The following ZNF484 variants were observed in gnomAD, a reference collection of about 807,000 sequenced individuals.
The protein encoded by ZNF484 is KRAB box containing C2H2 type zinc finger bA526D8.4.
ZNF484 carries 11 observed loss-of-function variants against 12.9 expected under a neutral mutation model. The observed-to-expected ratio is 0.85, with a 90% CI of 0.54 to 1.41. The LOEUF (loss-of-function observed/expected upper bound fraction) is 1.41, where lower values mean the gene tolerates loss of function less well. Ranked by LOEUF, ZNF484 falls within the 40% of genes most tolerant of loss-of-function variation. ZNF484 has a pLI of 0.00. For missense variants in ZNF484, 807 were observed against 1,007.7 expected (o/e 0.80, Z 2.70); for synonymous variants, 289 against 334.1 (o/e 0.86, Z 1.47).
At chr9:92,856,966 C>T (rs534680975) in intron 2 of ZNF484, among the ~76,000 whole-genome samples, 27 of 152,266 alleles carry the variant, frequency 1.8e-4, no homozygotes, top group African/African-American at 6.0e-4. Flanking sequence ...CCTCGTGATC[C>T]GCCCGCCTCA....
chr9:92,863,668 A>G (rs1029171909), intron 2 of ZNF484, among the ~76,000 whole-genome samples: 1 of 152,216 alleles, frequency 6.6e-6, no homozygotes, highest in African/African-American at 2.4e-5. Flanking sequence ...ATACTCTGAG[A>G]TTATAGTGTC....
intron 2 of ZNF484, among the ~76,000 whole-genome samples, chr9:92,874,708 A>G (rs1343357604): frequency 6.6e-6 from 1 of 152,170 alleles, no homozygotes; most frequent in African/African-American, 2.4e-5. Flanking sequence ...AAGAACCATG[A>G]CATCTTTACT....
chr9:92,869,767 TAACTA>T (rs766175940), intron 2 of ZNF484, among the ~76,000 whole-genome samples: 1 of 152,126 alleles, frequency 6.6e-6, no homozygotes, highest in East Asian at 1.9e-4. Flanking sequence ...CAGCAAAAGA[TAACTA>T]AACTGAGTTC....
rs1301392017 is a variant in ZNF484, at chr9:92,855,882, T to A, written c.164A>T (p.Glu55Val). Residue 55 changes from glutamate (E) to valine (V), a missense_variant, in exon 4 of 5, where the codon GAA becomes GTA. Coordinates refer to ENST00000375495, the MANE Select transcript of ZNF484 (RefSeq NM_031486.4). The part of the protein sequence containing the change: ...ISVGCQVPKP[E>V]VIFSLEQEEP... ...TTCTTGTTCCAAGCTGAAGATGACT[T>A]CTGGTTTGGGAACTTGACATCCTGT... is the stretch of plus-strand genomic sequence containing the variant. 1 of 1,614,168 alleles carries A rather than the reference T, an allele frequency of 6.2e-7. No homozygotes were observed. Among genetic ancestry groups the A allele is most frequent in the South Asian group, 1.1e-5 (1 of 91,084 alleles).
intron 2 of ZNF484, among the ~76,000 whole-genome samples, chr9:92,872,891 A>C (rs1857542234): frequency 6.6e-6 from 1 of 152,134 alleles, no homozygotes; most frequent in African/African-American, 2.4e-5. Context: ...AGAAGGAAGT[A>C]GCACATTTTT....
intron 2 of ZNF484, among the ~76,000 whole-genome samples, chr9:92,870,255 A>G (rs1857350505): frequency 2.0e-5 from 3 of 152,234 alleles, no homozygotes; most frequent in South Asian, 2.1e-4. Flanking sequence ...CGAAAAACCT[A>G]CAATCCAGAA....
Position 92,848,145 on chromosome 9 carries a change from C to T in ZNF484, c.642G>A (p.Leu214=). 8.7e-6 allele frequency: 14 copies of T among 1,614,112 alleles called. No individual in the cohort carries two copies. The highest frequency in any genetic ancestry group is 1.2e-5 in the Non-Finnish European group (14 of 1,180,040). The change falls in exon 5 of 5, where the codon TTG becomes TTA. Residue 214 remains leucine, a synonymous_variant. Coordinates refer to ENST00000375495, the MANE Select transcript of ZNF484 (RefSeq NM_031486.4). This position sits in a 1 kb window ranked among gnomAD's most constrained non-coding sequence, Gnocchi z 4.1. ...AAGCAGTCACTTCTGTATGAGAATT[C>T]AAATGAGTGAAAATATCACCATCTC... ...TIGDGDIFTH[L]NSHTEVTACE... is the part of the protein sequence containing the mutation.
At chr9:92,859,093 A>G (rs10739930) in intron 2 of ZNF484, among the ~76,000 whole-genome samples, 1 of 151,906 alleles carries the variant, frequency 6.6e-6, no homozygotes. Context: ...ACCACTGCAC[A>G]CCAGCCTGGG....
rs765650361 is a variant in ZNF484 at position 92,846,233 on chromosome 9, T to C, written c.2554A>G (p.Ile852Val). ...CCAGATGTTCATAATTCTAACTAGA[T>C]AGAAGAAAGTTGGCCTTGGTCACCT... ...SEGDQGQLSS[I>V] Residue 852 changes from isoleucine (I) to valine (V), a missense_variant, in exon 5 of 5, where the codon ATC becomes GTC. Ile to Val is a conservative substitution (Grantham distance 29). Transcript: ENST00000375495. The C allele has an allele frequency of 2.5e-6, 4 of 1,612,194 alleles. No homozygotes were observed. The highest frequency in any genetic ancestry group is 2.5e-6 in the Non-Finnish European group (3 of 1,179,204).
At position 92,875,015 on chromosome 9, in the gene ZNF484, C is replaced by T; in HGVS notation, c.15G>A (p.Leu5=). The change falls in exon 2 of 5, where the codon CTG becomes CTA. Residue 5 remains leucine (L), a splice_region_variant and synonymous_variant. Transcript: ENST00000375495. MTKS[L]ESVSFKDVTV... ...AACAGATGAACAAATAAGAACTCAC[C>T]AGGGACTTGGTCATTTTTGGCTCTT... The T allele has an allele frequency of 6.2e-7, 1 of 1,613,800 alleles. No homozygotes were observed. The highest frequency in any genetic ancestry group is 1.1e-5 in the South Asian group (1 of 91,024).
At position 92,846,235 on chromosome 9, in the gene ZNF484, G is replaced by T. The variant is rs1281985535; in HGVS notation, c.2552C>A (p.Ser851Tyr). 1 of 1,612,382 alleles carries T rather than the reference G, an allele frequency of 6.2e-7. No individual in the cohort carries two copies. The highest frequency in any genetic ancestry group is 1.3e-5 in the African/African-American group (1 of 74,808). ...DSEGDQGQLS[S>Y]I is the part of the protein sequence containing the mutation. ...AGATGTTCATAATTCTAACTAGATA[G>T]AAGAAAGTTGGCCTTGGTCACCTTC... Residue 851 changes from serine to tyrosine, a missense_variant, in exon 5 of 5, where the codon TCT becomes TAT. By Grantham distance (144) the Ser-to-Tyr change is moderately radical. Transcript: ENST00000375495.
intron 2 of ZNF484, among the ~76,000 whole-genome samples, chr9:92,858,647 A>G (rs1472118600): frequency 6.6e-6 from 1 of 152,210 alleles, no homozygotes; most frequent in African/African-American, 2.4e-5. Context: ...AAATAGAATT[A>G]AAGTGTTTTA....
chr9:92,866,594 G>A (rs2118137091), intron 2 of ZNF484, among the ~76,000 whole-genome samples: 1 of 152,316 alleles, frequency 6.6e-6, no homozygotes, highest in East Asian at 1.9e-4. Context: ...AATTCCTCAA[G>A]GATCTAGAAC....
chr9:92,855,383 G>T (rs779750166), intron 4 of ZNF484, among the ~76,000 whole-genome samples: 1 of 152,120 alleles, frequency 6.6e-6, no homozygotes, highest in African/African-American at 2.4e-5. Flanking sequence ...AGAAGAAACA[G>T]CAGGAGCTGA....
intron 2 of ZNF484, among the ~76,000 whole-genome samples, chr9:92,865,733 G>A (rs1587757706): frequency 6.6e-6 from 1 of 151,920 alleles, no homozygotes; most frequent in South Asian, 2.1e-4. Context: ...ATAGCAAGAC[G>A]CCGTCTCTAC....
At position 92,846,988 on chromosome 9, in the gene ZNF484, C is replaced by A; in HGVS notation, c.1799G>T (p.Arg600Ile). Residue 600 changes from arginine (R) to isoleucine (I), a missense_variant, in exon 5 of 5, where the codon AGA (arginine) becomes ATA (isoleucine). Coordinates refer to ENST00000375495, the MANE Select transcript of ZNF484 (RefSeq NM_031486.4). ...ATAGGGTTTCTCTCCAGTATGAATT[C>A]TCTCATGTGTAATAAAATGGGATTT... ...FHKSHFITHE[R>I]IHTGEKPYEC... 6.2e-7 allele frequency: 1 copy of A among 1,613,950 alleles called. No individual in the cohort carries two copies. The highest frequency in any genetic ancestry group is 8.5e-7 in the Non-Finnish European group (1 of 1,179,978).
chr9:92,853,899 A>G (rs1856264354), intron 4 of ZNF484, among the ~76,000 whole-genome samples: 1 of 151,916 alleles, frequency 6.6e-6, no homozygotes, highest in Admixed American at 6.6e-5. Context: ...GGGTGTAAAA[A>G]GATTTGTTAC....
At chr9:92,860,125 AT>A (rs1330746510) in intron 2 of ZNF484, among the ~76,000 whole-genome samples, 3 of 152,264 alleles carry the variant, frequency 2.0e-5, no homozygotes, top group Admixed American at 6.5e-5. Context: ...TATAAACCAC[AT>A]GTTGGCATAG....
At chr9:92,851,727 T>A (rs1019932474) in intron 4 of ZNF484, among the ~76,000 whole-genome samples, 3 of 152,236 alleles carry the variant, frequency 2.0e-5, no homozygotes, top group African/African-American at 7.2e-5. Context: ...TACAGTCTTT[T>A]CATTTTCTCC....
Sources: gnomAD v4.1 joint callset for allele counts (sites outside exome capture counted in the v4.1 genomes callset) on GRCh38, gnomAD v4.1.1 for gene constraint, Gnocchi (gnomAD v3.1) non-coding constraint, MANE v1.5 for transcripts, NCBI Gene and HGNC (gene_info 2026-07-23, HGNC 2026-07-21) for gene names.